Variants in CDCA2 observed in about 807,000 individuals in gnomAD.
CDCA2 encodes the protein cell division cycle associated 2.
In CDCA2, 44 loss-of-function variants were observed where a neutral mutation model predicts 67.0. That is an observed-to-expected ratio of 0.66 (90% CI 0.52 to 0.84). The LOEUF (loss-of-function observed/expected upper bound fraction) is 0.84. Among genes scored for constraint, CDCA2 ranks in the 40% least tolerant of loss-of-function variants. The probability of loss-of-function intolerance (pLI) is 0.00; values close to 1 mark genes in which losing one functional copy is unlikely to be tolerated. For synonymous variants in CDCA2, 447 were observed against 418.7 expected, an observed-to-expected ratio of 1.07 and a Z score of -0.82; for missense variants, 1,253 against 1,203.2, an observed-to-expected ratio of 1.04 and a Z score of -0.61.
At chr8:25,485,325 A>G (rs568327814) in intron 10 of CDCA2, among the ~76,000 whole-genome samples, 6 of 152,160 alleles carry the variant, frequency 3.9e-5, no homozygotes, top group South Asian at 4.1e-4. Context: ...TGCAAAACCA[A>G]CAGTTAATGT....
intron 13 of CDCA2, among the ~76,000 whole-genome samples, chr8:25,501,399 G>A (rs528550212): frequency 7.9e-4 from 120 of 152,220 alleles, no homozygotes; most frequent in African/African-American, 2.6e-3. Context: ...AAGATCAAAC[G>A]TTGACACTCT....
rs927686415 is a variant in CDCA2 at position 25,459,303 on chromosome 8, C to T, written c.-171C>T. On this transcript the variant is annotated 5_prime_UTR_variant, in exon 1 of 15. Coordinates refer to ENST00000330560, the MANE Select transcript of CDCA2 (RefSeq NM_152562.4). ...GTGAGTCCAGGTCAGCCGTCGGGACCTCGGGCTCCGGGTTCGAAGAGCGGC... is the reference window on the plus strand; with the variant it reads ...GTGAGTCCAGGTCAGCCGTCGGGACTTCGGGCTCCGGGTTCGAAGAGCGGC... 1.3e-5 allele frequency: 2 copies of T among 152,346 alleles called. No individual in the cohort carries two copies. Among genetic ancestry groups the T allele is most frequent in the African/African-American group, 4.8e-5 (2 of 41,446 alleles). The allele number at this position is 152,346 out of a possible 1,614,324, so 9.4% of individuals were successfully genotyped here.
rs745848303 is a variant in CDCA2, at chr8:25,480,004, C to G, written c.912C>G (p.Val304=). 1.9e-6 allele frequency: 3 copies of G among 1,614,118 alleles called. No homozygotes were observed. The highest frequency in any genetic ancestry group is 2.5e-6 in the Non-Finnish European group (3 of 1,180,024). The change falls in exon 8 of 15, where the codon GTC becomes GTG. Residue 304 remains valine (V), a synonymous_variant. Transcript: ENST00000330560. ...CAGCAGAAGTGAGCTCAGACGCAGT[C>G]CCTGATGTCAGGTCACCAGCTACTC... ...TFTAEVSSDA[V]PDVRSPATPA...
chr8:25,488,024 T>C (rs531252163), intron 12 of CDCA2, among the ~76,000 whole-genome samples: 1 of 152,334 alleles, frequency 6.6e-6, no homozygotes, highest in South Asian at 2.1e-4. Context: ...GGGTTTCAAC[T>C]GGGAGTTATA....
Position 25,507,502 on chromosome 8 carries a change from C to G in CDCA2, c.2836C>G (p.Gln946Glu). The G allele has an allele frequency of 6.2e-7, 1 of 1,613,750 alleles. No individual in the cohort carries two copies. Among genetic ancestry groups the G allele is most frequent in the Non-Finnish European group, 8.5e-7 (1 of 1,179,912 alleles). ...CATAAAAGAAACTGTGTCCTCCAGA[C>G]AAAAACCGCAGATGGCACCTCCCGT... is the stretch of plus-strand genomic sequence containing the variant. ...SPIKETVSSR[Q>E]KPQMAPPVSD... Residue 946 changes from glutamine (Q) to glutamate (E), a missense_variant, in exon 15 of 15, where the codon CAA becomes GAA. Transcript: ENST00000330560.
rs529349720 is a variant in CDCA2 at position 25,498,993 on chromosome 8, G to A, written c.1672-4380G>A. 9.3e-4 allele frequency among the ~76,000 whole-genome samples: 142 copies of A among 152,234 alleles called. 4 individuals are homozygous for A. In the South Asian group the frequency reaches 0.027, roughly 28 times the overall value. On this transcript the variant is annotated intron_variant, in intron 13 of 14. Coordinates refer to ENST00000330560, the MANE Select transcript of CDCA2 (RefSeq NM_152562.4). ...ATTTTCAGATGAAATGATGTGTAACGTCTGGGATTTGCTTTAAAATAATCT... is the reference window on the plus strand; with the variant it reads ...ATTTTCAGATGAAATGATGTGTAACATCTGGGATTTGCTTTAAAATAATCT...
rs117472172 is a variant in CDCA2 at position 25,461,656 on chromosome 8, G to T, written c.233-398G>T. Among the ~76,000 whole-genome samples, 190 of 152,326 alleles carry T rather than the reference G, an allele frequency of 1.2e-3. 1 individual carries two copies. The highest frequency in any genetic ancestry group is 1.7e-3 in the Non-Finnish European group (119 of 68,038). ...CTTGAAGAATTAAGAACCTGAGACT[G>T]CATGTACCTAGGTGGAGATCTTACC... is the stretch of plus-strand genomic sequence containing the variant. On this transcript the variant is annotated intron_variant, in intron 3 of 14. Coordinates refer to ENST00000330560, the MANE Select transcript of CDCA2 (RefSeq NM_152562.4).
chr8:25,467,398 G>A (rs1265191946), intron 5 of CDCA2, among the ~76,000 whole-genome samples: 1 of 152,078 alleles, frequency 6.6e-6, no homozygotes, highest in Admixed American at 6.6e-5. Flanking sequence ...CAGATGTACC[G>A]ATTTATATTT....
At chr8:25,466,078 T>C in intron 4 of CDCA2, 97 bp from the exon 5 acceptor site, 2 of 1,093,412 alleles carry the variant, frequency 1.8e-6, no homozygotes, top group Non-Finnish European at 2.6e-6. Flanking sequence ...AAAGCATATG[T>C]GTACTGTATT....
intron 7 of CDCA2, among the ~76,000 whole-genome samples, chr8:25,479,253 C>G (rs544836530): frequency 6.6e-6 from 1 of 152,132 alleles, no homozygotes; most frequent in Non-Finnish European, 1.5e-5. Flanking sequence ...TCTCCCTCCT[C>G]CCTGCTGTGA....
intron 10 of CDCA2, among the ~76,000 whole-genome samples, chr8:25,484,566 A>C (rs1474033945): frequency 6.6e-6 from 1 of 151,474 alleles, no homozygotes; most frequent in East Asian, 1.9e-4. Context: ...ACCTTCCCAC[A>C]GAGAAAACTC....
chr8:25,489,912 T>G (rs1439823958), intron 13 of CDCA2, among the ~76,000 whole-genome samples: 1 of 152,214 alleles, frequency 6.6e-6, no homozygotes, highest in Non-Finnish European at 1.5e-5. Flanking sequence ...TTAACCATGC[T>G]ATGTCAAAAT....
At chr8:25,492,139 G>A (rs1170836065) in intron 13 of CDCA2, among the ~76,000 whole-genome samples, 1 of 151,110 alleles carries the variant, frequency 6.6e-6, no homozygotes, top group African/African-American at 2.4e-5. Flanking sequence ...GGGGTTGGGG[G>A]GTCTCACCTT....
At chr8:25,487,635 A>C (rs1056696255) in intron 12 of CDCA2, among the ~76,000 whole-genome samples, 3 of 151,988 alleles carry the variant, frequency 2.0e-5, no homozygotes, top group African/African-American at 7.2e-5. Context: ...CCCAGCTACT[A>C]GGGAGGCTGA....
At chr8:25,486,332 G>T (rs573674145) in intron 11 of CDCA2, among the ~76,000 whole-genome samples, 1 of 152,106 alleles carries the variant, frequency 6.6e-6, no homozygotes, top group African/African-American at 2.4e-5. Flanking sequence ...CATGGGCCAG[G>T]CACCTTTATT....
At chr8:25,461,992 T>C (rs1802710045) in intron 3 of CDCA2, 62 bp from the exon 4 acceptor site, 1 of 1,494,698 alleles carries the variant, frequency 6.7e-7, no homozygotes, top group South Asian at 1.1e-5. Flanking sequence ...ATCACGAGTA[T>C]TGGATGTGGT....
intron 4 of CDCA2, among the ~76,000 whole-genome samples, chr8:25,463,765 T>C (rs9644041): frequency 0.4 from 61,346 of 151,934 alleles, 12,793 homozygotes; most frequent in African/African-American, 0.52. Flanking sequence ...TTCCCATGGC[T>C]TCCTGCGATC....
At position 25,507,411 on chromosome 8, in the gene CDCA2, T is replaced by G; in HGVS notation, c.2745T>G (p.Thr915=). 2 of 1,614,028 alleles carry G rather than the reference T, an allele frequency of 1.2e-6. No homozygotes were observed. Among genetic ancestry groups the G allele is most frequent in the Non-Finnish European group, 1.7e-6 (2 of 1,180,016 alleles). The change falls in exon 15 of 15, where the codon ACT becomes ACG. Residue 915 remains threonine, a synonymous_variant. Transcript: ENST00000330560. ...LVWISLPLPS[T]SQKAKRRTIC... ...GGATTTCACTTCCACTTCCTTCCAC[T>G]TCCCAAAAAGCCAAAAGAAGAACAA...
chr8:25,475,076 C>G (rs1266349407), intron 7 of CDCA2, among the ~76,000 whole-genome samples: 1 of 152,274 alleles, frequency 6.6e-6, no homozygotes, highest in South Asian at 2.1e-4. Flanking sequence ...CCAGATGTAC[C>G]TTTCATGGGT....
Sources: gnomAD v4.1 joint callset for allele counts (sites outside exome capture counted in the v4.1 genomes callset) on GRCh38, gnomAD v4.1.1 for gene constraint, MANE v1.5 for transcripts, NCBI Gene and HGNC (gene_info 2026-07-23, HGNC 2026-07-21) for gene names.